The following DLGAP2 variants were observed in gnomAD, a reference collection of about 807,000 sequenced individuals.
DLGAP2 encodes DLG associated protein 2, also known as disks large-associated protein 2.
DLGAP2 carries 26 observed loss-of-function variants against 100.3 expected under a neutral mutation model. The observed-to-expected ratio is 0.26, with a 90% confidence interval of 0.19 to 0.36. The LOEUF (loss-of-function observed/expected upper bound fraction) is 0.36, where lower values mean the gene tolerates loss of function less well. Among genes scored for constraint, DLGAP2 ranks in the 10% least tolerant of loss-of-function variants. The pLI is 1.00. For synonymous variants in DLGAP2, 886 were observed against 630.1 expected (o/e 1.41, Z -6.08); for missense variants, 1,858 against 1,453.2 (o/e 1.28, Z -4.53).
intron 3 of DLGAP2, among the ~76,000 whole-genome samples, chr8:1,332,802 A>G (rs1209689220): frequency 6.6e-6 from 1 of 152,168 alleles, no homozygotes; most frequent in Non-Finnish European, 1.5e-5. Context: ...GACCATTCAT[A>G]ACCAAGCATC....
At chr8:1,598,674 G>C (rs1254787640) in intron 6 of DLGAP2, among the ~76,000 whole-genome samples, 1 of 152,154 alleles carries the variant, frequency 6.6e-6, no homozygotes, top group African/African-American at 2.4e-5. Context: ...AGTGTTCTCT[G>C]ATTGTAGTTT....
At chr8:821,395 C>A (rs1042062282) in intron 1 of DLGAP2, among the ~76,000 whole-genome samples, 1 of 152,174 alleles carries the variant, frequency 6.6e-6, no homozygotes, top group African/African-American at 2.4e-5. Context: ...GTAACTTTAT[C>A]AACCTAATAA....
intron 8 of DLGAP2, among the ~76,000 whole-genome samples, chr8:1,658,114 A>C (rs1798325783): frequency 6.6e-6 from 1 of 151,992 alleles, no homozygotes; most frequent in African/African-American, 2.4e-5. Flanking sequence ...AGTTCGCAAA[A>C]AGACTGGCCC....
At chr8:1,083,466 G>A (rs1333338198) in intron 2 of DLGAP2, among the ~76,000 whole-genome samples, 1 of 152,198 alleles carries the variant, frequency 6.6e-6, no homozygotes, top group Non-Finnish European at 1.5e-5. Flanking sequence ...TGACGTTCGA[G>A]TTTGTGTTGA....
chr8:1,310,978 A>G (rs1051605245), intron 3 of DLGAP2, among the ~76,000 whole-genome samples: 11 of 152,340 alleles, frequency 7.2e-5, no homozygotes, highest in South Asian at 2.1e-4. Flanking sequence ...AAAATAGAGT[A>G]TCAACAAAAC....
At chr8:1,315,573 A>G (rs35966689) in intron 3 of DLGAP2, among the ~76,000 whole-genome samples, 1,631 of 39,590 alleles carry the variant, frequency 0.041, no homozygotes, top group Middle Eastern at 0.11. Flanking sequence ...TAGAGCCTGT[A>G]CGAGTGCAGC....
intron 2 of DLGAP2, among the ~76,000 whole-genome samples, chr8:1,066,242 T>G (rs958270499): frequency 3.2e-4 from 47 of 148,150 alleles, no homozygotes; most frequent in Non-Finnish European, 5.2e-4. Flanking sequence ...CGAGGGCAGC[T>G]CCCCACCACG....
intron 2 of DLGAP2, among the ~76,000 whole-genome samples, chr8:1,162,467 A>G (rs1393600398): frequency 1.3e-5 from 2 of 152,202 alleles, no homozygotes; most frequent in East Asian, 1.9e-4. Context: ...GAAATATGCA[A>G]CTCACTGCTA....
chr8:1,348,789 G>A (rs1801633861), intron 3 of DLGAP2, among the ~76,000 whole-genome samples: 1 of 152,252 alleles, frequency 6.6e-6, no homozygotes, highest in African/African-American at 2.4e-5. Context: ...CATTGTGTAT[G>A]CGGTGGAGCG....
chr8:1,451,928 C>G (rs974537063), intron 3 of DLGAP2, among the ~76,000 whole-genome samples: 4 of 152,256 alleles, frequency 2.6e-5, no homozygotes, highest in African/African-American at 9.6e-5. Context: ...ACACCCTGCT[C>G]TCTTCCGTGT....
rs1224648274 is a variant in DLGAP2 at position 1,683,537 on chromosome 8, G to C, written c.2704+4908G>C. ...CCTCTGCTGTCATTTGAGATTTTAG[G>C]CTCCTTCAATGAAGTGGCCACATTT... On this transcript the variant is annotated intron_variant, in intron 12 of 14. Transcript: ENST00000637795. Among the ~76,000 whole-genome samples the C allele has an allele frequency of 2.0e-5, 3 of 151,088 alleles. No homozygotes were observed. The East Asian group carries it at 5.8e-4, about 29-fold the overall frequency.
chr8:1,377,533 G>A (rs1335811152), intron 3 of DLGAP2, among the ~76,000 whole-genome samples: 1 of 152,098 alleles, frequency 6.6e-6, no homozygotes, highest in Non-Finnish European at 1.5e-5. Flanking sequence ...GATAGAGCGA[G>A]ACTCCGACTC....
intron 3 of DLGAP2, among the ~76,000 whole-genome samples, chr8:1,336,924 A>T (rs1190402803): frequency 6.6e-6 from 1 of 152,228 alleles, no homozygotes; most frequent in East Asian, 1.9e-4. Context: ...AATGACATTG[A>T]GCAATTCATA....
At chr8:1,167,817 A>G (rs1230660849) in intron 2 of DLGAP2, among the ~76,000 whole-genome samples, 1 of 149,698 alleles carries the variant, frequency 6.7e-6, no homozygotes, top group Non-Finnish European at 1.5e-5. Context: ...TACCTGGTTG[A>G]GGTCCTAAAC....
At chr8:1,282,340 C>T (rs1240741156) in intron 3 of DLGAP2, among the ~76,000 whole-genome samples, 2 of 146,010 alleles carry the variant, frequency 1.4e-5, no homozygotes, top group African/African-American at 2.6e-5. Context: ...GAACCCAGCG[C>T]CCTGAACCAT....
chr8:1,160,227 G>GT (rs1216912318), intron 2 of DLGAP2, among the ~76,000 whole-genome samples: 3 of 152,206 alleles, frequency 2.0e-5, no homozygotes, highest in African/African-American at 7.2e-5. Context: ...AAATAGCACA[G>GT]TTTTTCAGCT....
intron 4 of DLGAP2, among the ~76,000 whole-genome samples, chr8:1,546,589 G>GT (rs746577191): frequency 1.3e-5 from 2 of 152,182 alleles, no homozygotes; most frequent in Non-Finnish European, 2.9e-5. Flanking sequence ...TTTTGTTGTT[G>GT]TTGTTTGTTT....
At chr8:835,291 C>G (rs993817970) in intron 1 of DLGAP2, among the ~76,000 whole-genome samples, 4 of 151,932 alleles carry the variant, frequency 2.6e-5, no homozygotes, top group Non-Finnish European at 5.9e-5. Flanking sequence ...ATATTACCCA[C>G]TTCTATTCAA....
chr8:1,306,999 C>G (rs1355462920), intron 3 of DLGAP2, among the ~76,000 whole-genome samples: 1 of 151,512 alleles, frequency 6.6e-6, no homozygotes, highest in Non-Finnish European at 1.5e-5. Context: ...ATCTTGGATA[C>G]CAAAAGTACA....
Sources: gnomAD v4.1 joint callset for allele counts (sites outside exome capture counted in the v4.1 genomes callset) on GRCh38, gnomAD v4.1.1 for gene constraint, MANE v1.5 for transcripts, NCBI Gene and HGNC (gene_info 2026-07-23, HGNC 2026-07-21) for gene names.